RNF216: variants seen among roughly 807,000 people sequenced by gnomAD.
RNF216 encodes E3 ubiquitin-protein ligase RNF216.
Under a neutral mutation model 110.8 loss-of-function variants are expected in RNF216, and 72 were observed. That is an observed-to-expected ratio of 0.65 (90% CI 0.54 to 0.79). The LOEUF (loss-of-function observed/expected upper bound fraction) is 0.79, where lower values mean the gene tolerates loss of function less well. RNF216 is among the 30% of genes least tolerant of loss of function. The pLI, the probability that RNF216 is intolerant of heterozygous loss-of-function variation, is 0.00. For synonymous variants in RNF216, 495 were observed against 407.5 expected, an observed-to-expected ratio of 1.21 and a Z score of -2.59; for missense variants, 1,342 against 1,141.2, an observed-to-expected ratio of 1.18 and a Z score of -2.54.
chr7:5,657,872 G>T (rs1483351854), intron 13 of RNF216, among the ~76,000 whole-genome samples: 1 of 152,176 alleles, frequency 6.6e-6, no homozygotes, highest in Non-Finnish European at 1.5e-5. Context: ...TAGATTCAGT[G>T]AACTTTCTTT....
chr7:5,655,198 G>A (rs1788657060), intron 13 of RNF216, among the ~76,000 whole-genome samples: 1 of 152,180 alleles, frequency 6.6e-6, no homozygotes, highest in Non-Finnish European at 1.5e-5. Context: ...GTGCATGTGA[G>A]GGCCACTGTG....
intron 2 of RNF216, among the ~76,000 whole-genome samples, chr7:5,755,741 T>G (rs1053135169): frequency 6.6e-6 from 1 of 152,238 alleles, no homozygotes; most frequent in Admixed American, 6.5e-5. Context: ...CTACTGTGGA[T>G]AGTGCTATTG....
rs141012211 is a variant in RNF216 at position 5,715,124 on chromosome 7, C to T, written c.1762G>A (p.Ala588Thr). ...TCTTTGCAGAACAAGTGAGCATCTGCGCACTGCGTCAGCTCCTCGAATGGA... is the reference window on the plus strand; with the variant it reads ...TCTTTGCAGAACAAGTGAGCATCTGTGCACTGCGTCAGCTCCTCGAATGGA... ...EFPFEELTQCADAHLFCKECL... is the reference protein window; with the variant it reads ...EFPFEELTQCTDAHLFCKECL... The change falls in exon 11 of 17, where the codon GCA becomes ACA. Residue 588 changes from alanine (A) to threonine (T), a missense_variant. Coordinates refer to ENST00000389902, the MANE Select transcript of RNF216 (RefSeq NM_207111.4). The T allele has an allele frequency of 5.0e-5, 80 of 1,613,852 alleles. No homozygotes were observed. The highest frequency in any genetic ancestry group is 4.4e-4 in the African/African-American group (33 of 75,060).
At chr7:5,657,129 T>G (rs1788796460) in intron 13 of RNF216, among the ~76,000 whole-genome samples, 1 of 152,280 alleles carries the variant, frequency 6.6e-6, no homozygotes, top group African/African-American at 2.4e-5. Context: ...AACTGCTCCC[T>G]TACTTTTAAA....
At chr7:5,641,434 G>A in intron 14 of RNF216, 58 bp from the exon 15 acceptor site, 1 of 1,331,590 alleles carries the variant, frequency 7.5e-7, no homozygotes, top group Non-Finnish European at 1.1e-6. Context: ...AAAAAAATAT[G>A]GCCATTAAGC....
chr7:5,697,630 G>A (rs968548887), intron 13 of RNF216, among the ~76,000 whole-genome samples: 5 of 152,074 alleles, frequency 3.3e-5, no homozygotes, highest in South Asian at 4.2e-4. Context: ...CTACAAGTGC[G>A]CACCACCACT....
intron 13 of RNF216, among the ~76,000 whole-genome samples, chr7:5,658,425 T>C (rs852515): frequency 0.029 from 4,452 of 152,146 alleles, 106 homozygotes; most frequent in African/African-American, 0.059. Flanking sequence ...GGGAAGCCGA[T>C]GTGGGCAGAT....
chr7:5,649,621 A>G (rs1371922751), intron 14 of RNF216: 1 of 142,554 alleles, frequency 7.0e-6, no homozygotes, highest in East Asian at 2.0e-4. Context: ...CCCTCTCTCT[A>G]AAAAAAAAAA....
chr7:5,628,489 G>A (rs549088245), intron 15 of RNF216, among the ~76,000 whole-genome samples: 2 of 151,888 alleles, frequency 1.3e-5, no homozygotes, highest in African/African-American at 2.4e-5. Context: ...AAAAAATTAC[G>A]CTTTTAGCTA....
In RNF216 at chr7:5,710,912, G is replaced by C. The variant is rs531964398; in HGVS notation, c.2061+849C>G. Among the ~76,000 whole-genome samples the C allele has an allele frequency of 2.0e-5, 3 of 152,304 alleles. No individual in the cohort carries two copies. The South Asian group carries it at 6.2e-4, about 32-fold the overall frequency. On this transcript the variant is annotated intron_variant, in intron 13 of 16. Transcript: ENST00000389902. ...AGCGACTGTTGTGACAATTGTTATA[G>C]CAACAGCCTGGGGTGCGAACATATA...
At chr7:5,762,786 G>A (rs1796001897) in intron 1 of RNF216, among the ~76,000 whole-genome samples, 1 of 152,266 alleles carries the variant, frequency 6.6e-6, no homozygotes. Context: ...CTGGGTAAGG[G>A]AGAATGAAAA....
chr7:5,669,907 T>C (rs912668884), intron 13 of RNF216, among the ~76,000 whole-genome samples: 3 of 151,528 alleles, frequency 2.0e-5, no homozygotes, highest in Non-Finnish European at 4.4e-5. Flanking sequence ...GTAAGTGAGA[T>C]TGTGGATGGT....
intron 13 of RNF216, among the ~76,000 whole-genome samples, chr7:5,678,759 G>T (rs2128603298): frequency 6.6e-6 from 1 of 152,370 alleles, no homozygotes; most frequent in Admixed American, 6.5e-5. Context: ...GGGACAAGCT[G>T]CAGAGGCTGC....
chr7:5,775,957 C>A (rs1359347839), intron 1 of RNF216, among the ~76,000 whole-genome samples: 4 of 152,062 alleles, frequency 2.6e-5, no homozygotes, highest in Admixed American at 6.6e-5. Flanking sequence ...CTCCACAATA[C>A]CTCTTCCCAG....
intron 15 of RNF216, among the ~76,000 whole-genome samples, chr7:5,638,644 T>A (rs1177276962): frequency 6.6e-6 from 1 of 151,420 alleles, no homozygotes; most frequent in Non-Finnish European, 1.5e-5. Flanking sequence ...TTTTTTTTTT[T>A]TTTTTGGGGG....
chr7:5,727,879 G>A (rs1205650422), intron 7 of RNF216, among the ~76,000 whole-genome samples: 1 of 151,344 alleles, frequency 6.6e-6, no homozygotes, highest in African/African-American at 2.4e-5. Context: ...CCTCATCCTG[G>A]CTGGTGAGAT....
intron 13 of RNF216, among the ~76,000 whole-genome samples, chr7:5,708,322 G>A (rs1447045907): frequency 6.6e-6 from 1 of 152,210 alleles, no homozygotes; most frequent in African/African-American, 2.4e-5. Context: ...ATGATTGAAA[G>A]TGAGGTATTG....
intron 14 of RNF216, chr7:5,649,562 C>T (rs1426586568): frequency 6.6e-6 from 1 of 151,876 alleles, no homozygotes; most frequent in Non-Finnish European, 1.5e-5. Context: ...GCTCTTTGGT[C>T]CCAGAGGGGC....
At chr7:5,666,620 C>T (rs1789545048) in intron 13 of RNF216, 1 of 152,162 alleles carries the variant, frequency 6.6e-6, no homozygotes, top group Non-Finnish European at 1.5e-5. Flanking sequence ...CTGCAGGGAT[C>T]CCTTTCACGG....
Sources: allele counts gnomAD v4.1 joint callset (sites outside exome capture counted in the v4.1 genomes callset), GRCh38; gene constraint gnomAD v4.1.1; transcripts MANE v1.5; gene names NCBI Gene and HGNC (gene_info 2026-07-23, HGNC 2026-07-21).